ZNF280D: variants seen among roughly 807,000 people sequenced by gnomAD.
The protein encoded by ZNF280D is suppressor of hairy wing homolog 4.
Under a neutral mutation model 94.7 loss-of-function variants are expected in ZNF280D, and 39 were observed. That is an observed-to-expected ratio of 0.41 (90% CI 0.32 to 0.54). The LOEUF (loss-of-function observed/expected upper bound fraction) is 0.54, where lower values mean the gene tolerates loss of function less well. ZNF280D is among the 20% of genes least tolerant of loss of function. ZNF280D has a pLI of 0.22. For missense variants in ZNF280D, 1,090 were observed against 1,149.3 expected (o/e 0.95, Z 0.75); for synonymous variants, 398 against 377.6 (o/e 1.05, Z -0.63).
chr15:56,634,361 C>T (rs1323439648), intron 21 of ZNF280D, among the ~76,000 whole-genome samples: 2 of 152,010 alleles, frequency 1.3e-5, no homozygotes, highest in African/African-American at 2.4e-5. Flanking sequence ...CTACAATTTA[C>T]GTAAAATGTT....
chr15:56,668,330 G>A, intron 14 of ZNF280D: 4 of 349,000 alleles, frequency 1.1e-5, no homozygotes, highest in South Asian at 6.4e-5. Context: ...TCAGACATGT[G>A]TTTGCTCACT....
chr15:56,647,133 T>A (rs1285410095), intron 19 of ZNF280D, among the ~76,000 whole-genome samples: 2 of 152,150 alleles, frequency 1.3e-5, no homozygotes, highest in African/African-American at 2.4e-5. Flanking sequence ...AATTTGTGCA[T>A]CAGAAAGACA....
intron 1 of ZNF280D, among the ~76,000 whole-genome samples, chr15:56,717,044 G>A (rs2058086753): frequency 6.6e-6 from 1 of 152,160 alleles, no homozygotes; most frequent in African/African-American, 2.4e-5. Flanking sequence ...GCCCAGCTAT[G>A]ATTGGAGTTG....
In ZNF280D at chr15:56,668,026, T is replaced by G. The variant is rs1596416179; in HGVS notation, c.1545+797A>C. The G allele has an allele frequency of 2.6e-5, 10 of 389,448 alleles. 1 individual carries two copies. The highest frequency in any genetic ancestry group is 1.9e-4 in the South Asian group (10 of 52,314). The allele number at this position is 389,448 out of a possible 1,614,324, so 24.1% of individuals were successfully genotyped here. The stretch of plus-strand genomic sequence containing the variant: ...GTGTTCTGCATGTCTAGTCCCAACA[T>G]GGAATGAATGGATTGCAGGGAAGGA... On this transcript the variant is annotated intron_variant, in intron 14 of 21. Transcript: ENST00000267807.
At chr15:56,712,098 G>A (rs1437599894) in intron 1 of ZNF280D, among the ~76,000 whole-genome samples, 2 of 152,086 alleles carry the variant, frequency 1.3e-5, no homozygotes, top group African/African-American at 4.8e-5. Context: ...AATTTCTCAT[G>A]ATGAAATTTT....
chr15:56,641,123 A>G (rs553798761), intron 20 of ZNF280D, among the ~76,000 whole-genome samples: 1 of 152,050 alleles, frequency 6.6e-6, no homozygotes, highest in South Asian at 2.1e-4. Context: ...TCACCCAGTG[A>G]CTCATGCATT....
chr15:56,637,350 AT>A (rs11318323), intron 20 of ZNF280D, among the ~76,000 whole-genome samples: 132,716 of 147,972 alleles, frequency 0.9, 59,814 homozygotes, highest in East Asian at 1. Context: ...AGTTAAAAAC[AT>A]TTTTTTTTTT....
chr15:56,648,321 T>G (rs1403692871), intron 19 of ZNF280D, among the ~76,000 whole-genome samples: 1 of 152,094 alleles, frequency 6.6e-6, no homozygotes, highest in Admixed American at 6.5e-5. Context: ...TCTATGAAGT[T>G]TGAGCAATAG....
At chr15:56,659,915 T>A (rs11632549) in intron 16 of ZNF280D, among the ~76,000 whole-genome samples, 69,762 of 147,730 alleles carry the variant, frequency 0.47, 17,584 homozygotes, top group East Asian at 0.6. Context: ...AAAAAAAAAA[T>A]ATATATATAT....
intron 3 of ZNF280D, among the ~76,000 whole-genome samples, chr15:56,705,774 ATG>A (rs772192253): frequency 1.3e-5 from 2 of 151,940 alleles, no homozygotes; most frequent in Non-Finnish European, 2.9e-5. Flanking sequence ...CTATTTTTTC[ATG>A]TGTCTTAATT....
chr15:56,724,780 A>G, intron 1 of ZNF280D: 1 of 378,618 alleles, frequency 2.6e-6, no homozygotes, highest in South Asian at 2.0e-5. Flanking sequence ...TCTGTTGTGT[A>G]TAACTTCTCA....
rs189076330 is a variant in ZNF280D, at chr15:56,727,042, T to C, written c.-86+6416A>G. On this transcript the variant is annotated intron_variant, in intron 1 of 21. Transcript: ENST00000267807. ...TTGGAATTTCAGGGACAATAAACCATGGGAAAGTGACTAGAAAAAATGGGA... is the reference window on the plus strand; with the variant it reads ...TTGGAATTTCAGGGACAATAAACCACGGGAAAGTGACTAGAAAAAATGGGA... 2.2e-4 allele frequency among the ~76,000 whole-genome samples: 34 copies of C among 152,266 alleles called. 1 individual carries two copies. The East Asian group carries it at 6.4e-3, about 29-fold the overall frequency.
At chr15:56,651,547 A>T (rs990537585) in intron 19 of ZNF280D, among the ~76,000 whole-genome samples, 4 of 151,210 alleles carry the variant, frequency 2.6e-5, no homozygotes, top group South Asian at 2.1e-4. Flanking sequence ...TACATACTAT[A>T]AAAAAAAAGT....
At chr15:56,686,220 C>T (rs1171724427) in intron 9 of ZNF280D, among the ~76,000 whole-genome samples, 1 of 152,160 alleles carries the variant, frequency 6.6e-6, no homozygotes, top group South Asian at 2.1e-4. Context: ...CTCACTGCAA[C>T]CTCCGCCTCC....
chr15:56,653,924 T>A, intron 19 of ZNF280D: 1 of 1,298,200 alleles, frequency 7.7e-7, no homozygotes, highest in Non-Finnish European at 9.8e-7. Flanking sequence ...TGAAAAGAGC[T>A]GAATAATGAG....
At chr15:56,688,325 T>C (rs1435965033) in intron 9 of ZNF280D, among the ~76,000 whole-genome samples, 1 of 151,828 alleles carries the variant, frequency 6.6e-6, no homozygotes, top group Non-Finnish European at 1.5e-5. Flanking sequence ...ACCCCATCTC[T>C]ACTAAAAATA....
chr15:56,720,994 G>A lies in ZNF280D; in HGVS notation c.-86+12464C>T, dbSNP rs142309048. The stretch of plus-strand genomic sequence containing the variant: ...TTGGGGGGGGGGGGGACAGAGTCTC[G>A]CTCCATTGACCAGCCTTGAGTGCAG... On this transcript the variant is annotated intron_variant, in intron 1 of 21. Transcript: ENST00000267807. Among the ~76,000 whole-genome samples the A allele has an allele frequency of 2.3e-3, 330 of 143,324 alleles. 5 individuals are homozygous for A. Among genetic ancestry groups the A allele is most frequent in the African/African-American group, 8.1e-3 (313 of 38,798 alleles). The allele number at this position is 143,324 out of a possible 152,430, so 94.0% of individuals were successfully genotyped here. A position where few individuals can be genotyped will look rare whatever the true frequency, so the allele number is the denominator to read the frequency against.
intron 9 of ZNF280D, 78 bp from the exon 10 acceptor site, chr15:56,682,555 G>T: frequency 1.1e-6 from 1 of 914,912 alleles, no homozygotes; most frequent in Non-Finnish European, 1.6e-6. Flanking sequence ...GTGATTGTGT[G>T]TTTACACCTA....
At position 56,654,839 on chromosome 15, in the gene ZNF280D, G is replaced by A. The variant is rs144295917; in HGVS notation, c.2058-336C>T. 93 of 467,090 alleles carry A rather than the reference G, an allele frequency of 2.0e-4. No individual in the cohort carries two copies. In the East Asian group the frequency reaches 5.3e-3, roughly 26 times the overall value. The allele number at this position is 467,090 out of a possible 1,614,324, so 28.9% of individuals were successfully genotyped here. A position where few individuals can be genotyped will look rare whatever the true frequency, so the allele number is the denominator to read the frequency against. On this transcript the variant is annotated intron_variant, in intron 17 of 21. Coordinates refer to ENST00000267807, the MANE Select transcript of ZNF280D (RefSeq NM_017661.4). The stretch of plus-strand genomic sequence containing the variant: ...AGTCACATTCTATTTGTCCTCCCAC[G>A]CATCTGCAAAGTGAACATAGCGTAT...
Sources: gnomAD v4.1 joint callset for allele counts (sites outside exome capture counted in the v4.1 genomes callset) on GRCh38, gnomAD v4.1.1 for gene constraint, MANE v1.5 for transcripts, NCBI Gene and HGNC (gene_info 2026-07-23, HGNC 2026-07-21) for gene names.